Variants in IGF2BP2 observed in about 807,000 individuals in gnomAD.
IGF2BP2 encodes insulin like growth factor 2 mRNA binding protein 2, also known as insulin-like growth factor 2 mRNA-binding protein 2.
A neutral mutation model predicts 75.8 loss-of-function variants in IGF2BP2; 17 were observed. The observed-to-expected ratio is 0.22, with a 90% CI of 0.15 to 0.34. The LOEUF (loss-of-function observed/expected upper bound fraction) is 0.34, where lower values mean the gene tolerates loss of function less well. Among genes scored for constraint, IGF2BP2 ranks in the 10% least tolerant of loss-of-function variants. The pLI is 1.00. For missense variants in IGF2BP2, 516 were observed against 772.4 expected (o/e 0.67, Z 3.93); for synonymous variants, 288 against 295.6 (o/e 0.97, Z 0.26).
At chr3:185,670,115 G>T (rs1718293679) in intron 10 of IGF2BP2, among the ~76,000 whole-genome samples, 1 of 152,138 alleles carries the variant, frequency 6.6e-6, no homozygotes, top group Non-Finnish European at 1.5e-5. Flanking sequence ...TTACCTGGTT[G>T]TTTTTGTTTT....
chr3:185,794,544 T>A (rs1200220565), intron 2 of IGF2BP2, among the ~76,000 whole-genome samples: 1 of 152,062 alleles, frequency 6.6e-6, no homozygotes, highest in Non-Finnish European at 1.5e-5. Flanking sequence ...GACTTTACCA[T>A]CTCATTCAAG....
intron 10 of IGF2BP2, among the ~76,000 whole-genome samples, chr3:185,664,353 A>G (rs1404300739): frequency 1.3e-5 from 2 of 152,264 alleles, no homozygotes; most frequent in East Asian, 3.9e-4. Flanking sequence ...GCTAAGAAAA[A>G]GCTCCCCTAA....
At chr3:185,820,766 A>G (rs74793084) in intron 2 of IGF2BP2, among the ~76,000 whole-genome samples, 4,956 of 152,310 alleles carry the variant, frequency 0.033, 121 homozygotes, top group South Asian at 0.055. Flanking sequence ...TTCTTGAGAA[A>G]TCAAAGAAAT....
chr3:185,732,928 G>A (rs1728382226), intron 2 of IGF2BP2, among the ~76,000 whole-genome samples: 1 of 152,144 alleles, frequency 6.6e-6, no homozygotes, highest in Non-Finnish European at 1.5e-5. Flanking sequence ...GCTTCTTTCT[G>A]GAATGTTGCT....
intron 2 of IGF2BP2, among the ~76,000 whole-genome samples, chr3:185,749,844 C>T (rs6766313): frequency 0.023 from 3,500 of 152,116 alleles, 69 homozygotes; most frequent in Middle Eastern, 0.054. Context: ...TTAGGTTGGC[C>T]CAGAAAGAAA....
intron 7 of IGF2BP2, among the ~76,000 whole-genome samples, chr3:185,686,348 C>T (rs1377947007): frequency 6.6e-6 from 1 of 151,016 alleles, no homozygotes; most frequent in Non-Finnish European, 1.5e-5. Flanking sequence ...TGCACTACTG[C>T]ACTCCAGCCT....
chr3:185,726,277 C>T (rs533792391), intron 2 of IGF2BP2, among the ~76,000 whole-genome samples: 20 of 152,274 alleles, frequency 1.3e-4, no homozygotes, highest in Admixed American at 1.3e-3. Context: ...AATGGACCCA[C>T]GGTCAGAGGA....
intron 2 of IGF2BP2, among the ~76,000 whole-genome samples, chr3:185,760,498 T>C (rs1578215151): frequency 6.6e-6 from 1 of 152,186 alleles, no homozygotes. Context: ...CTTCTGAACA[T>C]TTCTATTAAC....
chr3:185,824,706 G>A (rs1741812484), intron 1 of IGF2BP2, 77 bp downstream of exon 1: 10 of 1,134,036 alleles, frequency 8.8e-6, no homozygotes, highest in Middle Eastern at 3.4e-4. Context: ...GCCGCCCGCC[G>A]GACTCGGCCT....
chr3:185,661,818 G>T (rs962475204), intron 10 of IGF2BP2, among the ~76,000 whole-genome samples: 6 of 152,174 alleles, frequency 3.9e-5, no homozygotes, highest in African/African-American at 1.4e-4. Context: ...AAATGAACAA[G>T]AACAGGCAAG....
chr3:185,773,198 C>T (rs1734109456), intron 2 of IGF2BP2, among the ~76,000 whole-genome samples: 6 of 152,168 alleles, frequency 3.9e-5, no homozygotes, highest in Admixed American at 3.9e-4. Context: ...TTTTATACCT[C>T]CTAGGTGCTA....
At chr3:185,794,614 A>G (rs1578327035) in intron 2 of IGF2BP2, among the ~76,000 whole-genome samples, 1 of 150,532 alleles carries the variant, frequency 6.6e-6, no homozygotes, top group Admixed American at 6.6e-5. Context: ...CTTTCAAAAC[A>G]TTGGCTTTAT....
At chr3:185,650,014 T>C (rs1312830181) in intron 13 of IGF2BP2, among the ~76,000 whole-genome samples, 2 of 152,170 alleles carry the variant, frequency 1.3e-5, no homozygotes, top group Non-Finnish European at 2.9e-5. Context: ...TAAAAAAATT[T>C]CTAATGGAGA....
At chr3:185,714,253 T>A (rs1725260732) in intron 2 of IGF2BP2, among the ~76,000 whole-genome samples, 2 of 152,294 alleles carry the variant, frequency 1.3e-5, no homozygotes, top group Admixed American at 1.3e-4. Flanking sequence ...GACAGCTGTA[T>A]AATATTCAGT....
At chr3:185,730,739 G>A (rs900169977) in intron 2 of IGF2BP2, among the ~76,000 whole-genome samples, 4 of 152,074 alleles carry the variant, frequency 2.6e-5, no homozygotes, top group African/African-American at 9.7e-5. Flanking sequence ...TTCCCTTTGG[G>A]TAGATGCCCA....
intron 11 of IGF2BP2, 62 bp from the exon 12 acceptor site, chr3:185,657,464 A>G: frequency 7.8e-7 from 1 of 1,274,434 alleles, no homozygotes; most frequent in South Asian, 1.3e-5. Context: ...CCAGGCACTC[A>G]ACAGGTACCA....
At chr3:185,744,517 G>T (rs1729983108) in intron 2 of IGF2BP2, among the ~76,000 whole-genome samples, 1 of 152,118 alleles carries the variant, frequency 6.6e-6, no homozygotes, top group Non-Finnish European at 1.5e-5. Flanking sequence ...TTATAAAATT[G>T]GAATTATCAG....
Position 185,665,491 on chromosome 3 carries a change from A to AAGG in IGF2BP2, c.1200+7047_1200+7049dup, listed in dbSNP as rs1228337044. On this transcript the variant is annotated intron_variant, in intron 10 of 15. Coordinates refer to ENST00000382199, the MANE Select transcript of IGF2BP2 (RefSeq NM_006548.6). Reference sequence around the variant, plus strand: ...GAAGAAGAAGGAGAAGAAGGAGGAGAAGGAGGAGGAGAAGGAGGAGGAGGA... The same window carrying AAGG: ...GAAGAAGAAGGAGAAGAAGGAGGAGAAGGAGGAGGAGGAGAAGGAGGAGGAGGA... 2.4e-4 allele frequency among the ~76,000 whole-genome samples: 9 copies of AAGG among 37,704 alleles called. 2 individuals are homozygous for AAGG. The highest frequency in any genetic ancestry group is 1.9e-3 in the East Asian group (3 of 1,570). 24.7% of individuals were successfully genotyped at this position (37,704 alleles called of 152,430 possible).
intron 6 of IGF2BP2, 134 bp downstream of exon 6, chr3:185,689,221 G>GA: frequency 1.1e-6 from 1 of 899,162 alleles, no homozygotes; most frequent in Non-Finnish European, 1.7e-6. Flanking sequence ...TAGTCCTGTT[G>GA]AAAGAAGCCA....
Sources: gnomAD v4.1 joint callset for allele counts (sites outside exome capture counted in the v4.1 genomes callset) on GRCh38, gnomAD v4.1.1 for gene constraint, MANE v1.5 for transcripts, NCBI Gene and HGNC (gene_info 2026-07-23, HGNC 2026-07-21) for gene names.